The following FBXL2 variants were observed in gnomAD, a reference collection of about 807,000 sequenced individuals.
The protein encoded by FBXL2 is F-box/LRR-repeat protein 2.
FBXL2 carries 38 observed loss-of-function variants against 69.2 expected under a neutral mutation model. The observed-to-expected ratio is 0.55, with a 90% CI of 0.42 to 0.72. The LOEUF is 0.72. Among genes scored for constraint, FBXL2 ranks in the 30% least tolerant of loss-of-function variants. The pLI, the probability that FBXL2 is intolerant of heterozygous loss-of-function variation, is 0.00. For missense variants in FBXL2, 354 were observed against 520.3 expected (o/e 0.68, Z 3.11); for synonymous variants, 192 against 201.3 (o/e 0.95, Z 0.39).
chr3:33,400,983 T>A (rs201496198), intron 12 of FBXL2: 4 of 1,595,062 alleles, frequency 2.5e-6, no homozygotes, highest in Non-Finnish European at 3.4e-6. Flanking sequence ...TCTGTGAAGC[T>A]CCATCTCCCT....
rs759786988 is a variant in FBXL2, at chr3:33,287,107, G to A, written c.3+9592G>A. Among the ~76,000 whole-genome samples the A allele has an allele frequency of 1.4e-4, 21 of 152,158 alleles. No individual in the cohort carries two copies. The South Asian group carries it at 1.7e-3, about 12-fold the overall frequency. On this transcript the variant is annotated intron_variant, in intron 1 of 14. Coordinates refer to ENST00000484457, the MANE Select transcript of FBXL2 (RefSeq NM_012157.5). ...ATCACCCATCTTCTGCATCGCTCACGCTGGGAGCTATAGACTGGAGCTGTT... is the reference window on the plus strand; with the variant it reads ...ATCACCCATCTTCTGCATCGCTCACACTGGGAGCTATAGACTGGAGCTGTT...
chr3:33,409,124 G>A, the FBXL2 span: 1 of 1,024,990 alleles, frequency 9.8e-7, no homozygotes, highest in Non-Finnish European at 1.5e-6. Flanking sequence ...AGAATAACAT[G>A]TCAAACTGCC....
the FBXL2 span, among the ~76,000 whole-genome samples, chr3:33,412,073 G>A: frequency 6.6e-6 from 1 of 151,426 alleles, no homozygotes; most frequent in Non-Finnish European, 1.5e-5. Flanking sequence ...TGTAGTCCCA[G>A]CTACTCAAAA....
At chr3:33,291,411 G>A (rs2035211156) in intron 1 of FBXL2, among the ~76,000 whole-genome samples, 1 of 152,116 alleles carries the variant, frequency 6.6e-6, no homozygotes, top group Non-Finnish European at 1.5e-5. Context: ...AATAAAGGAA[G>A]TTCAGATCTG....
downstream of FBXL2, among the ~76,000 whole-genome samples, chr3:33,404,485 T>TA (rs147464429): frequency 0.17 from 23,957 of 144,290 alleles, 2,347 homozygotes; most frequent in East Asian, 0.41. Flanking sequence ...ATAATAGGAT[T>TA]AAAAAAAAAA....
At chr3:33,361,049 A>T (rs1262979946) in intron 4 of FBXL2, among the ~76,000 whole-genome samples, 4 of 144,722 alleles carry the variant, frequency 2.8e-5, no homozygotes, top group Admixed American at 7.2e-5. Context: ...CTCCTGCCTC[A>T]GCCTCCCATG....
the FBXL2 span, among the ~76,000 whole-genome samples, chr3:33,416,352 G>A: frequency 2.0e-5 from 3 of 152,180 alleles, no homozygotes; most frequent in Non-Finnish European, 4.4e-5. Context: ...TAGGATGACT[G>A]ACTTCTTCAT....
the FBXL2 span, among the ~76,000 whole-genome samples, chr3:33,418,158 A>AATG: frequency 6.6e-6 from 1 of 152,252 alleles, no homozygotes; most frequent in Non-Finnish European, 1.5e-5. Context: ...TACACCATTT[A>AATG]TGTTTAAAAT....
At chr3:33,401,714 CTGTT>C (rs1304059440) in intron 12 of FBXL2, among the ~76,000 whole-genome samples, 2 of 152,202 alleles carry the variant, frequency 1.3e-5, no homozygotes, top group Admixed American at 6.5e-5. Context: ...GGGGGTCTGT[CTGTT>C]TGGGCACTAA....
intron 2 of FBXL2, among the ~76,000 whole-genome samples, chr3:33,354,373 G>A (rs2041048388): frequency 6.6e-6 from 1 of 152,010 alleles, no homozygotes; most frequent in African/African-American, 2.4e-5. Context: ...AATTGGCCGG[G>A]TGTGGTGGTG....
At chr3:33,326,880 A>C (rs1241379058) in intron 2 of FBXL2, among the ~76,000 whole-genome samples, 1 of 152,232 alleles carries the variant, frequency 6.6e-6, no homozygotes, top group East Asian at 1.9e-4. Flanking sequence ...AAAGACATAG[A>C]GAATGTGTGT....
At chr3:33,306,434 CT>C (rs2036723855) in intron 2 of FBXL2, among the ~76,000 whole-genome samples, 1 of 152,138 alleles carries the variant, frequency 6.6e-6, no homozygotes, top group Admixed American at 6.5e-5. Flanking sequence ...ACTATCTTGA[CT>C]TATAGCTATC....
At chr3:33,366,956 T>TA (rs1428458308) in intron 5 of FBXL2, among the ~76,000 whole-genome samples, 2 of 152,086 alleles carry the variant, frequency 1.3e-5, no homozygotes, top group East Asian at 1.9e-4. Flanking sequence ...ATAAATTAAA[T>TA]AAAAAAACAA....
the FBXL2 span, among the ~76,000 whole-genome samples, chr3:33,422,508 G>T: frequency 2.6e-5 from 4 of 152,136 alleles, no homozygotes; most frequent in Non-Finnish European, 4.4e-5. Flanking sequence ...TTTGAGCCCA[G>T]GAGTCGGAGA....
downstream of FBXL2, among the ~76,000 whole-genome samples, chr3:33,407,742 C>T (rs577670277): frequency 6.6e-5 from 10 of 152,186 alleles, no homozygotes; most frequent in South Asian, 4.1e-4. Context: ...ACAGCAATTG[C>T]GATATGTGTA....
chr3:33,419,331 C>T, the FBXL2 span, among the ~76,000 whole-genome samples: 6 of 152,094 alleles, frequency 3.9e-5, no homozygotes, highest in Admixed American at 3.9e-4. Flanking sequence ...CCCGTCTCTA[C>T]TAAAAATACA....
In FBXL2 at chr3:33,387,630, C is replaced by CAAAT. The variant is rs1009291871; in HGVS notation, c.*2025_*2026insTAAA. ...ATCATCTCAAAACAAAACAAACAAA[C>CAAAT]AAACAAAACAAACCACCAGAGCCTT... is the stretch of plus-strand genomic sequence containing the variant. On this transcript the variant is annotated 3_prime_UTR_variant, in exon 15 of 15. Transcript: ENST00000484457. The CAAAT allele has an allele frequency of 6.6e-6, 1 of 151,740 alleles. No homozygotes were observed. Among genetic ancestry groups the CAAAT allele is most frequent in the African/African-American group, 2.4e-5 (1 of 41,006 alleles). The allele number at this position is 151,740 out of a possible 1,614,324, so 9.4% of individuals were successfully genotyped here.
chr3:33,354,570 T>C (rs1221790070), intron 2 of FBXL2, among the ~76,000 whole-genome samples: 2 of 151,770 alleles, frequency 1.3e-5, no homozygotes, highest in Non-Finnish European at 2.9e-5. Context: ...AAATTGTGCA[T>C]GTGCCAAATG....
chr3:33,406,236 C>T (rs2044417059), downstream of FBXL2, among the ~76,000 whole-genome samples: 1 of 151,934 alleles, frequency 6.6e-6, no homozygotes, highest in Admixed American at 6.6e-5. Context: ...CAGTGAAAGC[C>T]CATCTCAAAA....
Sources: gnomAD v4.1 joint callset for allele counts (sites outside exome capture counted in the v4.1 genomes callset) on GRCh38, gnomAD v4.1.1 for gene constraint, MANE v1.5 for transcripts, NCBI Gene and HGNC (gene_info 2026-07-23, HGNC 2026-07-21) for gene names.